PSMA1: variants seen among roughly 807,000 people sequenced by gnomAD.
PSMA1 encodes proteasome 20S subunit alpha 1.
A neutral mutation model predicts 38.4 loss-of-function variants in PSMA1; 3 were observed. The ratio of observed to expected loss-of-function variants is 0.08; its 90% CI spans 0.04 to 0.20. The LOEUF is 0.20. Ranked by LOEUF, PSMA1 falls within the 10% of genes least tolerant of loss-of-function variation. The pLI is 1.00. For missense variants in PSMA1, 227 were observed against 325.3 expected, an observed-to-expected ratio of 0.70 and a Z score of 2.32; for synonymous variants, 101 against 107.1, an observed-to-expected ratio of 0.94 and a Z score of 0.35.
At chr11:14,566,429 G>C (rs1349776476) in intron 2 of PSMA1, among the ~76,000 whole-genome samples, 2 of 152,042 alleles carry the variant, frequency 1.3e-5, no homozygotes, top group Non-Finnish European at 2.9e-5. Flanking sequence ...AAAAGAGAAG[G>C]GTCTGGATAA....
intron 2 of PSMA1, among the ~76,000 whole-genome samples, chr11:14,561,908 T>C (rs1852014263): frequency 6.6e-6 from 1 of 152,158 alleles, no homozygotes; most frequent in South Asian, 2.1e-4. Flanking sequence ...GCTAACAATG[T>C]ATCAATCAGG....
At chr11:14,642,791 G>A (rs1358943729) in intron 1 of PSMA1, among the ~76,000 whole-genome samples, 1 of 152,150 alleles carries the variant, frequency 6.6e-6, no homozygotes, top group African/African-American at 2.4e-5. Context: ...TTTCAGGTCT[G>A]TGTTTCCTAA....
chr11:14,581,164 T>G (rs1323799235), intron 2 of PSMA1, among the ~76,000 whole-genome samples: 1 of 152,218 alleles, frequency 6.6e-6, no homozygotes, highest in Non-Finnish European at 1.5e-5. Context: ...GTCTACTATA[T>G]TCTTGGTAGC....
At chr11:14,630,659 T>C (rs1852991433) in intron 1 of PSMA1, among the ~76,000 whole-genome samples, 1 of 151,724 alleles carries the variant, frequency 6.6e-6, no homozygotes, top group Non-Finnish European at 1.5e-5. Context: ...GGCTTTGGTA[T>C]CAGAATGATG....
At chr11:14,630,003 T>C (rs1326151887) in intron 1 of PSMA1, among the ~76,000 whole-genome samples, 1 of 152,028 alleles carries the variant, frequency 6.6e-6, no homozygotes, top group Non-Finnish European at 1.5e-5. Context: ...GTGATTTTTG[T>C]ACATTGATTT....
rs201665923 is a variant in PSMA1 at position 14,534,185 on chromosome 11, A to AATAC, written c.22-15148_22-15145dup. Among the ~76,000 whole-genome samples the AATAC allele has an allele frequency of 3.2e-4, 49 of 152,236 alleles. No individual in the cohort carries two copies. The highest frequency in any genetic ancestry group is 5.8e-4 in the East Asian group (3 of 5,188). On this transcript the variant is annotated intron_variant, in intron 2 of 10. Transcript: ENST00000418988. This position sits in a 1 kb window ranked among gnomAD's most constrained non-coding sequence, Gnocchi z 4.5. ...AACAAGAGCAAAACTCTGCCTCAAA[A>AATAC]ATACATACATACATACATACATAAA...
In PSMA1 at chr11:14,505,528, TC is replaced by T. The variant is rs757718573; in HGVS notation, c.736-281del. Among the ~76,000 whole-genome samples the T allele has an allele frequency of 3.9e-3, 591 of 149,662 alleles. 2 individuals are homozygous for T. Among genetic ancestry groups the T allele is most frequent in the Middle Eastern group, 6.9e-3 (2 of 290 alleles). ...GTGAGGGTCCACTTATATGCAGATT[TC>T]TTTTTCTTTTTCTTTTTCTTTTTTG... On this transcript the variant is annotated intron_variant, in intron 9 of 9. Transcript: ENST00000396394.
intron 4 of PSMA1, among the ~76,000 whole-genome samples, chr11:14,515,829 CA>C (rs1169425549): frequency 6.6e-6 from 1 of 151,766 alleles, no homozygotes; most frequent in Non-Finnish European, 1.5e-5. Context: ...GCTGGGATTA[CA>C]GGCATGAGAC....
intron 2 of PSMA1, among the ~76,000 whole-genome samples, chr11:14,581,152 T>G (rs17567703): frequency 0.044 from 6,666 of 152,290 alleles, 221 homozygotes; most frequent in Middle Eastern, 0.092. Flanking sequence ...GGCTGGTGAA[T>G]AGTCTACTAT....
At chr11:14,607,575 T>A (rs1852657831) in intron 2 of PSMA1, among the ~76,000 whole-genome samples, 1 of 152,172 alleles carries the variant, frequency 6.6e-6, no homozygotes, top group Non-Finnish European at 1.5e-5. Context: ...AGTATGTAAC[T>A]TTGGGTCCAC....
At chr11:14,565,074 C>T (rs73424219) in intron 2 of PSMA1, among the ~76,000 whole-genome samples, 12,234 of 152,236 alleles carry the variant, frequency 0.08, 511 homozygotes, top group East Asian at 0.13. Flanking sequence ...CCACAGCACC[C>T]AGCCTATAGG....
intron 2 of PSMA1, among the ~76,000 whole-genome samples, chr11:14,546,447 T>G (rs1851828735): frequency 6.6e-6 from 1 of 152,120 alleles, no homozygotes; most frequent in Admixed American, 6.6e-5. Flanking sequence ...ATGTGGCTTT[T>G]TTTCCCCCCA....
At chr11:14,631,340 T>C (rs1853007163) in intron 1 of PSMA1, among the ~76,000 whole-genome samples, 1 of 152,192 alleles carries the variant, frequency 6.6e-6, no homozygotes, top group African/African-American at 2.4e-5. Context: ...GCTTTGAATG[T>C]GTCCCAGAGA....
intron 9 of PSMA1, among the ~76,000 whole-genome samples, chr11:14,505,462 T>A (rs988632303): frequency 9.9e-5 from 15 of 151,982 alleles, no homozygotes; most frequent in African/African-American, 3.1e-4. Context: ...ATTTTTTATT[T>A]AAAAAAAATA....
upstream of PSMA1, chr11:14,520,517 C>G (rs1364879738): frequency 1.8e-5 from 26 of 1,416,154 alleles, no homozygotes; most frequent in African/African-American, 2.9e-5. Flanking sequence ...CTCGGAAGAT[C>G]TAGGAACTGA....
intron 2 of PSMA1, among the ~76,000 whole-genome samples, chr11:14,543,631 G>A (rs1191319404): frequency 2.6e-5 from 4 of 151,250 alleles, no homozygotes; most frequent in Non-Finnish European, 5.9e-5. Context: ...CTGTCCTTCT[G>A]CCATTTTGGC....
chr11:14,605,659 T>G (rs569684667), intron 2 of PSMA1, among the ~76,000 whole-genome samples: 42 of 152,354 alleles, frequency 2.8e-4, no homozygotes, highest in Non-Finnish European at 5.0e-4. Flanking sequence ...AGTGCTGGGA[T>G]TATAGGCATG....
chr11:14,599,041 T>A (rs1852542929), intron 2 of PSMA1, among the ~76,000 whole-genome samples: 1 of 152,126 alleles, frequency 6.6e-6, no homozygotes, highest in Non-Finnish European at 1.5e-5. Flanking sequence ...AAAATTCTTT[T>A]CTTTAAGAAT....
intron 1 of PSMA1, among the ~76,000 whole-genome samples, chr11:14,633,217 T>G (rs1254911233): frequency 3.0e-4 from 45 of 151,214 alleles, no homozygotes; most frequent in Non-Finnish European, 3.9e-4. Flanking sequence ...GGCGCTCTGC[T>G]TTTTAGAGTT....
Sources: gnomAD v4.1 joint callset for allele counts (sites outside exome capture counted in the v4.1 genomes callset) on GRCh38, gnomAD v4.1.1 for gene constraint, Gnocchi (gnomAD v3.1) non-coding constraint, MANE v1.5 for transcripts, NCBI Gene and HGNC (gene_info 2026-07-23, HGNC 2026-07-21) for gene names.